Variants in ACYP2 observed in about 807,000 individuals in gnomAD.
ACYP2 encodes acylphosphatase-2.
In ACYP2, 12 loss-of-function variants were observed where a neutral mutation model predicts 11.2. That is an observed-to-expected ratio of 1.08 (90% CI 0.69 to 1.74). ACYP2 has a LOEUF of 1.74. Ranked by LOEUF, ACYP2 falls within the 40% of genes most tolerant of loss-of-function variation. The probability of loss-of-function intolerance (pLI) is 0.00; values close to 1 mark genes in which losing one functional copy is unlikely to be tolerated. For synonymous variants in ACYP2, 43 were observed against 32.2 expected (o/e 1.33, Z -1.13); for missense variants, 134 against 101.9 (o/e 1.31, Z -1.35).
chr2:54,045,365 C>A (rs946189275), intron 2 of ACYP2, among the ~76,000 whole-genome samples: 2 of 152,214 alleles, frequency 1.3e-5, no homozygotes, highest in African/African-American at 2.4e-5. Context: ...CTGCTGCAAA[C>A]CCTCCTGTCT....
At chr2:54,293,063 T>C (rs769073325) in intron 6 of ACYP2, among the ~76,000 whole-genome samples, 1 of 152,228 alleles carries the variant, frequency 6.6e-6, no homozygotes, top group African/African-American at 2.4e-5. Context: ...TTAAACACTT[T>C]ACAGATTATT....
intron 4 of ACYP2, among the ~76,000 whole-genome samples, chr2:54,100,607 C>T (rs574180623): frequency 6.6e-6 from 1 of 152,138 alleles, no homozygotes; most frequent in South Asian, 2.1e-4. Flanking sequence ...CCACACCCAC[C>T]CGAGATCCTC....
chr2:54,278,356 T>G (rs563207988), intron 6 of ACYP2, among the ~76,000 whole-genome samples: 98 of 152,356 alleles, frequency 6.4e-4, no homozygotes, highest in African/African-American at 2.3e-3. Flanking sequence ...TATCTTCATT[T>G]TGTTGAGTTG....
chr2:54,084,563 A>T (rs1209652423), intron 4 of ACYP2: 1 of 152,226 alleles, frequency 6.6e-6, no homozygotes, highest in Non-Finnish European at 1.5e-5. Flanking sequence ...AAGTGCTGGG[A>T]TTACAGGCAT....
chr2:54,185,387 T>C (rs369168964), intron 6 of ACYP2, among the ~76,000 whole-genome samples: 1 of 152,160 alleles, frequency 6.6e-6, no homozygotes, highest in African/African-American at 2.4e-5. Context: ...AGCTGGAAGA[T>C]AGGAGATGAA....
intron 6 of ACYP2, among the ~76,000 whole-genome samples, chr2:54,181,848 G>A (rs938434338): frequency 1.1e-4 from 16 of 151,892 alleles, no homozygotes; most frequent in Non-Finnish European, 2.2e-4. Flanking sequence ...TTACCCCACT[G>A]CTATGCACAT....
intron 6 of ACYP2, among the ~76,000 whole-genome samples, chr2:54,287,232 GCTAACT>G (rs1689113463): frequency 6.6e-6 from 1 of 151,848 alleles, no homozygotes; most frequent in Non-Finnish European, 1.5e-5. Flanking sequence ...TCCAGAGGGG[GCTAACT>G]CTATGTCCTC....
At chr2:54,005,958 A>T (rs1260241506) in intron 2 of ACYP2, among the ~76,000 whole-genome samples, 1 of 152,008 alleles carries the variant, frequency 6.6e-6, no homozygotes, top group Non-Finnish European at 1.5e-5. Flanking sequence ...GTAATCATAA[A>T]CATGGTGTAT....
chr2:54,252,816 A>G (rs1479054483), intron 6 of ACYP2, among the ~76,000 whole-genome samples: 1 of 151,726 alleles, frequency 6.6e-6, no homozygotes, highest in African/African-American at 2.4e-5. Flanking sequence ...AGGCAGGAGA[A>G]CGGTATGAAC....
intron 6 of ACYP2, among the ~76,000 whole-genome samples, chr2:54,156,105 T>C (rs1682418883): frequency 6.6e-6 from 1 of 152,206 alleles, no homozygotes; most frequent in Non-Finnish European, 1.5e-5. Flanking sequence ...GAGAAGAATC[T>C]GTATTCTGTT....
intron 6 of ACYP2, among the ~76,000 whole-genome samples, chr2:54,207,173 A>ATGTG (rs58920943): frequency 0.014 from 1,973 of 138,698 alleles, 33 homozygotes; most frequent in African/African-American, 0.039. Flanking sequence ...CAACATGTAT[A>ATGTG]TGTGTGTGTG....
intron 4 of ACYP2, among the ~76,000 whole-genome samples, chr2:54,096,250 G>A (rs1262229592): frequency 6.8e-6 from 1 of 146,046 alleles, no homozygotes; most frequent in Non-Finnish European, 1.5e-5. Flanking sequence ...GCGGAGCAGA[G>A]GCGCTCCCCA....
chr2:53,971,582 T>G (rs1671120959), intron 1 of ACYP2, among the ~76,000 whole-genome samples: 1 of 152,144 alleles, frequency 6.6e-6, no homozygotes, highest in Non-Finnish European at 1.5e-5. Context: ...TTTAGGCTAT[T>G]GAGATAGAAA....
intron 6 of ACYP2, among the ~76,000 whole-genome samples, chr2:54,267,051 G>C (rs1316080823): frequency 6.6e-6 from 1 of 152,168 alleles, no homozygotes; most frequent in Non-Finnish European, 1.5e-5. Context: ...ACAAAAGAGG[G>C]TTAGTAATTC....
intron 4 of ACYP2, among the ~76,000 whole-genome samples, chr2:54,111,654 C>T (rs1434394326): frequency 1.3e-5 from 2 of 152,176 alleles, no homozygotes; most frequent in African/African-American, 4.8e-5. Context: ...AATTTTGAAT[C>T]CAGTTTAGTA....
intron 6 of ACYP2, among the ~76,000 whole-genome samples, chr2:54,228,068 C>T (rs1448737878): frequency 6.6e-6 from 1 of 152,106 alleles, no homozygotes; most frequent in Admixed American, 6.6e-5. Flanking sequence ...GAATAATAGC[C>T]CTTTTCTCTT....
intron 6 of ACYP2, among the ~76,000 whole-genome samples, chr2:54,224,710 G>A (rs1397775693): frequency 2.0e-5 from 2 of 98,842 alleles, no homozygotes; most frequent in Non-Finnish European, 4.2e-5. Context: ...GTTTCACCGG[G>A]TACCAGCCCG....
chr2:54,201,594 C>CTTTT (rs57144917), intron 6 of ACYP2, among the ~76,000 whole-genome samples: 1 of 95,784 alleles, frequency 1.0e-5, no homozygotes, highest in Non-Finnish European at 2.2e-5. Context: ...TTCTTTCTTT[C>CTTTT]TCTTTCTTTC....
intron 6 of ACYP2, among the ~76,000 whole-genome samples, chr2:54,176,792 A>G (rs1558589372): frequency 6.6e-6 from 1 of 152,268 alleles, no homozygotes; most frequent in East Asian, 1.9e-4. Flanking sequence ...GCATCCAAGA[A>G]TCTGTTGTTG....
Sources: allele counts gnomAD v4.1 joint callset (sites outside exome capture counted in the v4.1 genomes callset), GRCh38; gene constraint gnomAD v4.1.1; transcripts MANE v1.5; gene names NCBI Gene and HGNC (gene_info 2026-07-23, HGNC 2026-07-21).